SLC25A33: variants seen among roughly 807,000 people sequenced by gnomAD.
SLC25A33 encodes bone marrow stromal cell mitochondrial carrier protein.
In SLC25A33, 15 loss-of-function variants were observed where a neutral mutation model predicts 35.5. That is an observed-to-expected ratio of 0.42 (90% CI 0.28 to 0.65). The LOEUF is 0.65. Ranked by LOEUF, SLC25A33 falls within the 30% of genes least tolerant of loss-of-function variation. The pLI is 0.20. For synonymous variants in SLC25A33, 136 were observed against 148.7 expected (o/e 0.91, Z 0.62); for missense variants, 257 against 398.5 (o/e 0.64, Z 3.02).
intron 5 of SLC25A33, among the ~76,000 whole-genome samples, chr1:9,576,104 C>T (rs1643658512): frequency 6.6e-6 from 1 of 152,174 alleles, no homozygotes; most frequent in Admixed American, 6.5e-5. Flanking sequence ...GTCATTCTGC[C>T]TAATGATGGT....
At chr1:9,557,210 G>A (rs1447880798) in intron 2 of SLC25A33, among the ~76,000 whole-genome samples, 2 of 152,202 alleles carry the variant, frequency 1.3e-5, no homozygotes, top group Non-Finnish European at 2.9e-5. Flanking sequence ...TGGGATTACA[G>A]GCGTGAGCCA....
At chr1:9,573,222 T>C (rs967084218) in intron 4 of SLC25A33, 124 bp from the exon 5 acceptor site, 44 of 629,274 alleles carry the variant, frequency 7.0e-5, no homozygotes, top group Non-Finnish European at 1.2e-4. Context: ...ATATAACTGC[T>C]TCCTACTGTC....
intron 6 of SLC25A33, among the ~76,000 whole-genome samples, chr1:9,580,717 G>A (rs1359286718): frequency 2.0e-5 from 3 of 151,906 alleles, no homozygotes; most frequent in Admixed American, 6.6e-5. Flanking sequence ...TTAGCTGGGC[G>A]TGGTGGCGCA....
At chr1:9,549,319 G>T (rs1643226270) in intron 1 of SLC25A33, among the ~76,000 whole-genome samples, 1 of 141,898 alleles carries the variant, frequency 7.0e-6, no homozygotes. Flanking sequence ...TGAACTGCTG[G>T]TGGGATCAAT....
At chr1:9,553,032 C>T (rs1440462532) in intron 1 of SLC25A33, among the ~76,000 whole-genome samples, 9 of 147,132 alleles carry the variant, frequency 6.1e-5, no homozygotes, top group Admixed American at 4.2e-4. Flanking sequence ...GCTGGGATTA[C>T]AGGCATGCAC....
chr1:9,562,817 C>T (rs1264969905), intron 2 of SLC25A33, among the ~76,000 whole-genome samples: 2 of 147,012 alleles, frequency 1.4e-5, no homozygotes, highest in Non-Finnish European at 3.0e-5. Flanking sequence ...CGCGCCATTG[C>T]ACTCCAGCCT....
chr1:9,539,535 G>C lies in SLC25A33; in HGVS notation c.-157G>C, dbSNP rs1429545855. The stretch of plus-strand genomic sequence containing the variant: ...GGCCACGCCGCGGAAGGCGCGGGCC[G>C]AGCAGAGCCGGGCGTTGGAGCCCGC... On this transcript the variant is annotated 5_prime_UTR_variant, in exon 1 of 7. Transcript: ENST00000302692. 1.3e-5 allele frequency: 5 copies of C among 388,572 alleles called. No homozygotes were observed. The highest frequency in any genetic ancestry group is 5.3e-5 in the Admixed American group (1 of 18,876). 24.1% of individuals were successfully genotyped at this position (388,572 alleles called of 1,614,324 possible). A position where few individuals can be genotyped will look rare whatever the true frequency, so the allele number is the denominator to read the frequency against.
At chr1:9,568,952 T>G (rs1170289205) in intron 3 of SLC25A33, among the ~76,000 whole-genome samples, 1 of 150,930 alleles carries the variant, frequency 6.6e-6, no homozygotes, top group Non-Finnish European at 1.5e-5. Flanking sequence ...TGCTCCAATT[T>G]AAACATAAAT....
At chr1:9,573,507 G>A in intron 5 of SLC25A33, 95 bp downstream of exon 5, 1 of 996,854 alleles carries the variant, frequency 1.0e-6, no homozygotes, top group Non-Finnish European at 1.5e-6. Context: ...GAGATATAGA[G>A]ATGTACCCCC....
At chr1:9,571,939 C>A (rs1643596315) in intron 4 of SLC25A33, among the ~76,000 whole-genome samples, 1 of 152,140 alleles carries the variant, frequency 6.6e-6, no homozygotes, top group Admixed American at 6.5e-5. Context: ...CCACGCCGAG[C>A]CTAGAAAGAT....
At chr1:9,562,338 A>C (rs1230642400) in intron 2 of SLC25A33, among the ~76,000 whole-genome samples, 1 of 137,342 alleles carries the variant, frequency 7.3e-6, no homozygotes, top group Non-Finnish European at 1.5e-5. Context: ...ACAGAGCAAG[A>C]CTCCATCTCA....
At chr1:9,568,040 A>G (rs1298237971) in intron 3 of SLC25A33, among the ~76,000 whole-genome samples, 12 of 152,252 alleles carry the variant, frequency 7.9e-5, no homozygotes, top group African/African-American at 2.9e-4. Context: ...AGGGCATCCT[A>G]TCTTGGCAGA....
At chr1:9,553,027 G>A (rs1643287786) in intron 1 of SLC25A33, among the ~76,000 whole-genome samples, 1 of 149,362 alleles carries the variant, frequency 6.7e-6, no homozygotes, top group Non-Finnish European at 1.5e-5. Context: ...GAGTAGCTGG[G>A]ATTACAGGCA....
Position 9,578,844 on chromosome 1 carries a change from G to A in SLC25A33, c.483-1110G>A, listed in dbSNP as rs932904425. On this transcript the variant is annotated intron_variant, in intron 5 of 6. Transcript: ENST00000302692. This position sits in a 1 kb window ranked among gnomAD's most constrained non-coding sequence, Gnocchi z 4.3. Reference sequence around the variant, plus strand: ...CATTCCCTGTGTCTCACGGCCTTGTGACTTAATCTAGCAGATATACCGTGG... The same window carrying A: ...CATTCCCTGTGTCTCACGGCCTTGTAACTTAATCTAGCAGATATACCGTGG... 5.3e-5 allele frequency among the ~76,000 whole-genome samples: 8 copies of A among 152,202 alleles called. No homozygotes were observed. The highest frequency in any genetic ancestry group is 1.9e-4 in the African/African-American group (8 of 41,454).
chr1:9,557,669 T>TCC (rs1643365853), intron 2 of SLC25A33, among the ~76,000 whole-genome samples: 1 of 152,210 alleles, frequency 6.6e-6, no homozygotes, highest in African/African-American at 2.4e-5. Flanking sequence ...GGCAAGAGTG[T>TCC]GTTCAAGACA....
chr1:9,566,478 T>C (rs908762681), intron 2 of SLC25A33, among the ~76,000 whole-genome samples: 4 of 152,180 alleles, frequency 2.6e-5, no homozygotes, highest in African/African-American at 9.6e-5. Context: ...AATTATTCCC[T>C]GTGTGGCACC....
intron 1 of SLC25A33, among the ~76,000 whole-genome samples, chr1:9,553,391 A>AT (rs1643296530): frequency 6.7e-6 from 1 of 149,672 alleles, no homozygotes; most frequent in South Asian, 2.1e-4. Context: ...CGCCCAGCTA[A>AT]TTTTTTTCTT....
At chr1:9,570,926 T>C (rs1293842814) in intron 4 of SLC25A33, among the ~76,000 whole-genome samples, 1 of 152,112 alleles carries the variant, frequency 6.6e-6, no homozygotes, top group Middle Eastern at 3.2e-3. Context: ...TTGCCCGGGC[T>C]GATCTCAAAC....
intron 4 of SLC25A33, among the ~76,000 whole-genome samples, chr1:9,571,711 C>A (rs1409872671): frequency 6.6e-6 from 1 of 151,934 alleles, no homozygotes; most frequent in Non-Finnish European, 1.5e-5. Context: ...GATCTCAGCT[C>A]CCTGCAACCC....
Sources: allele counts gnomAD v4.1 joint callset (sites outside exome capture counted in the v4.1 genomes callset), GRCh38; gene constraint gnomAD v4.1.1; non-coding constraint Gnocchi (gnomAD v3.1); transcripts MANE v1.5; gene names NCBI Gene and HGNC (gene_info 2026-07-23, HGNC 2026-07-21).